DPYSL2: variants seen among roughly 807,000 people sequenced by gnomAD.
DPYSL2 encodes the protein dihydropyrimidinase-related protein 2.
Under a neutral mutation model 69.9 loss-of-function variants are expected in DPYSL2, and 13 were observed. The observed-to-expected ratio is 0.19, with a 90% CI of 0.12 to 0.30. The LOEUF is 0.30. Ranked by LOEUF, DPYSL2 falls within the 10% of genes least tolerant of loss-of-function variation. The pLI is 1.00. For synonymous variants in DPYSL2, 326 were observed against 359.1 expected (o/e 0.91, Z 1.04); for missense variants, 587 against 918.9 (o/e 0.64, Z 4.67).
chr8:26,520,315 T>C (rs1808364550), intron 1 of DPYSL2, among the ~76,000 whole-genome samples: 1 of 152,176 alleles, frequency 6.6e-6, no homozygotes, highest in Admixed American at 6.5e-5. Context: ...TAAAGCAACC[T>C]ACTAATGAAA....
intron 8 of DPYSL2, among the ~76,000 whole-genome samples, chr8:26,638,564 G>C (rs1802968391): frequency 6.6e-6 from 1 of 152,188 alleles, no homozygotes; most frequent in Non-Finnish European, 1.5e-5. Context: ...TGAGAGACAC[G>C]CTGCTTCCAT....
intron 1 of DPYSL2, 30 bp from the exon 2 acceptor site, chr8:26,581,939 C>T (rs767277545): frequency 1.3e-5 from 20 of 1,542,004 alleles, no homozygotes; most frequent in Admixed American, 1.0e-4. Flanking sequence ...GTCAGTTACG[C>T]GTTGTGACCT....
intron 1 of DPYSL2, among the ~76,000 whole-genome samples, chr8:26,515,616 C>T (rs533672686): frequency 4.5e-4 from 68 of 152,296 alleles, no homozygotes; most frequent in African/African-American, 1.4e-3. Flanking sequence ...GCATTTTCAG[C>T]GCAGTAATAA....
chr8:26,581,901 C>T (rs1801501524), intron 1 of DPYSL2, 68 bp from the exon 2 acceptor site: 2 of 1,175,704 alleles, frequency 1.7e-6, no homozygotes, highest in African/African-American at 3.0e-5. Flanking sequence ...ATCCTTAGCT[C>T]ACATATCTTA....
chr8:26,569,516 C>T (rs541623852), intron 1 of DPYSL2, among the ~76,000 whole-genome samples: 10 of 152,116 alleles, frequency 6.6e-5, no homozygotes, highest in Non-Finnish European at 1.2e-4. Context: ...GAAAGGTTCT[C>T]CTGTTCATTT....
intron 7 of DPYSL2, among the ~76,000 whole-genome samples, chr8:26,634,369 A>T (rs1802849371): frequency 1.4e-5 from 2 of 140,856 alleles, no homozygotes; most frequent in Admixed American, 7.2e-5. Context: ...GGTTCAAGTG[A>T]TTCTCCTGCC....
chr8:26,577,881 C>G, intron 1 of DPYSL2: 4 of 1,116,948 alleles, frequency 3.6e-6, no homozygotes, highest in Non-Finnish European at 4.4e-6. Context: ...TGGCTTTTGC[C>G]TGAGAGGAAA....
chr8:26,639,943 G>A (rs1432822415), intron 8 of DPYSL2, among the ~76,000 whole-genome samples: 2 of 152,156 alleles, frequency 1.3e-5, no homozygotes, highest in African/African-American at 4.8e-5. Flanking sequence ...CTCTTGCTAC[G>A]AAAACCTGAC....
At position 26,614,928 on chromosome 8, in the gene DPYSL2, T is replaced by C. The variant is rs1172189676; in HGVS notation, c.629-9215T>C. Among the ~76,000 whole-genome samples, 1 of 152,230 alleles carries C rather than the reference T, an allele frequency of 6.6e-6. No individual in the cohort carries two copies. Among genetic ancestry groups the C allele is most frequent in the Non-Finnish European group, 1.5e-5 (1 of 68,044 alleles). Reference sequence around the variant, plus strand: ...ATAAGACTGAATTTCACTTCTCAATTAACTAGCCCTCTTGCTCTCTTTTGA... The same window carrying C: ...ATAAGACTGAATTTCACTTCTCAATCAACTAGCCCTCTTGCTCTCTTTTGA... On this transcript the variant is annotated intron_variant, in intron 3 of 13. Coordinates refer to ENST00000521913, the MANE Select transcript of DPYSL2 (RefSeq NM_001197293.3). The surrounding 1 kb of genome is among the most constrained non-coding windows in gnomAD (Gnocchi z 4.9).
At position 26,643,833 on chromosome 8, in the gene DPYSL2, T is replaced by A; in HGVS notation, c.1284-117T>A. 7.2e-7 allele frequency: 1 copy of A among 1,391,656 alleles called. No individual in the cohort carries two copies. The highest frequency in any genetic ancestry group is 1.4e-5 in the South Asian group (1 of 70,156). The allele number at this position is 1,391,656 out of a possible 1,614,324, so 86.2% of individuals were successfully genotyped here. A position where few individuals can be genotyped will look rare whatever the true frequency, so the allele number is the denominator to read the frequency against. ...TCAAGCCAAGAAGGGAGAGGAGGCG[T>A]CAAAAGGACTCCACTTGGGTTGGTG... On this transcript the variant is annotated intron_variant, in intron 9 of 13. Transcript: ENST00000521913. The surrounding 1 kb of genome is among the most constrained non-coding windows in gnomAD (Gnocchi z 6.5).
rs915788078 is a variant in DPYSL2 at position 26,617,074 on chromosome 8, C to T, written c.629-7069C>T. On this transcript the variant is annotated intron_variant, in intron 3 of 13. Coordinates refer to ENST00000521913, the MANE Select transcript of DPYSL2 (RefSeq NM_001197293.3). The surrounding 1 kb of genome is among the most constrained non-coding windows in gnomAD (Gnocchi z 4.7). ...CATCCCTGGTTTTAATTACAAAGGG[C>T]CCCTTGAGACCTTGTCAGAAATACT... 6.6e-6 allele frequency among the ~76,000 whole-genome samples: 1 copy of T among 152,200 alleles called. No homozygotes were observed. The highest frequency in any genetic ancestry group is 1.5e-5 in the Non-Finnish European group (1 of 68,042).
At position 26,528,937 on chromosome 8, in the gene DPYSL2, G is replaced by A. The variant is rs533768990; in HGVS notation, c.354+14258G>A. ...AATGTCTGGTTCCTGACCCTGGGGT[G>A]ATTAGGGTAGGTGGATATTGGCCCT... On this transcript the variant is annotated intron_variant, in intron 1 of 13. Coordinates refer to ENST00000521913, the MANE Select transcript of DPYSL2 (RefSeq NM_001197293.3). Among the ~76,000 whole-genome samples the A allele has an allele frequency of 2.6e-5, 4 of 152,280 alleles. No homozygotes were observed. The South Asian group carries it at 8.3e-4, about 32-fold the overall frequency.
intron 1 of DPYSL2, chr8:26,547,740 G>C (rs939870681): frequency 9.7e-5 from 25 of 258,276 alleles, no homozygotes; most frequent in Admixed American, 3.0e-4. Flanking sequence ...ATCTGAGCGG[G>C]AAGGCCTGCA....
At chr8:26,604,633 C>T (rs934367649) in intron 3 of DPYSL2, among the ~76,000 whole-genome samples, 3 of 152,024 alleles carry the variant, frequency 2.0e-5, no homozygotes, top group Admixed American at 2.0e-4. Flanking sequence ...ATCTTCATCT[C>T]AACCTACTCC....
At chr8:26,607,718 A>G (rs894760141) in intron 3 of DPYSL2, among the ~76,000 whole-genome samples, 4 of 151,204 alleles carry the variant, frequency 2.6e-5, no homozygotes, top group African/African-American at 9.7e-5. Context: ...TGAGCCTGGC[A>G]GGTTGAGGCT....
rs1449078622 is a variant in DPYSL2 at position 26,655,784 on chromosome 8, T to C, written c.*78T>C. On this transcript the variant is annotated 3_prime_UTR_variant, in exon 14 of 14. Coordinates refer to ENST00000521913, the MANE Select transcript of DPYSL2 (RefSeq NM_001197293.3). ...ATTCTGAGACTTCTTTCTTCCTTCC[T>C]TTTTTTTTTTTTGTTTTTTTTTTTA... The C allele has an allele frequency of 1.6e-5, 7 of 426,376 alleles. No homozygotes were observed. The highest frequency in any genetic ancestry group is 5.0e-5 in the Admixed American group (1 of 20,070). The allele number at this position is 426,376 out of a possible 1,614,324, so 26.4% of individuals were successfully genotyped here.
intron 8 of DPYSL2, among the ~76,000 whole-genome samples, chr8:26,635,582 C>T (rs563294942): frequency 6.6e-6 from 1 of 152,304 alleles, no homozygotes; most frequent in African/African-American, 2.4e-5. Flanking sequence ...ATCTTTTATG[C>T]TTGGGAGTTC....
chr8:26,595,523 G>A (rs73226176), intron 3 of DPYSL2, among the ~76,000 whole-genome samples: 1,795 of 152,240 alleles, frequency 0.012, 15 homozygotes, highest in Non-Finnish European at 0.019. Flanking sequence ...AAGCCCCTCC[G>A]TTTTTCATGG....
intron 1 of DPYSL2, among the ~76,000 whole-genome samples, chr8:26,518,749 G>A (rs1808335755): frequency 6.6e-6 from 1 of 152,094 alleles, no homozygotes; most frequent in African/African-American, 2.4e-5. Context: ...TGCCCTTAAG[G>A]TTCATCTGTG....
Sources: gnomAD v4.1 joint callset for allele counts (sites outside exome capture counted in the v4.1 genomes callset) on GRCh38, gnomAD v4.1.1 for gene constraint, Gnocchi (gnomAD v3.1) non-coding constraint, MANE v1.5 for transcripts, NCBI Gene and HGNC (gene_info 2026-07-23, HGNC 2026-07-21) for gene names.